TEX9: variants seen among roughly 807,000 people sequenced by gnomAD.
The protein encoded by TEX9 is testis-expressed protein 9.
TEX9 carries 74 observed loss-of-function variants against 59.6 expected under a neutral mutation model. The ratio of observed to expected loss-of-function variants is 1.24; its 90% confidence interval spans 1.03 to 1.51. The LOEUF is 1.51. Ranked by LOEUF, TEX9 falls within the 40% of genes most tolerant of loss-of-function variation. The probability of loss-of-function intolerance (pLI) is 0.00; values close to 1 mark genes in which losing one functional copy is unlikely to be tolerated. For synonymous variants in TEX9, 186 were observed against 152.2 expected, an observed-to-expected ratio of 1.22 and a Z score of -1.64; for missense variants, 522 against 447.8, an observed-to-expected ratio of 1.17 and a Z score of -1.49.
rs1187773253 is a variant in TEX9, at chr15:56,380,033, T to C, written c.184-3919T>C. Among the ~76,000 whole-genome samples, 4 of 152,306 alleles carry C rather than the reference T, an allele frequency of 2.6e-5. No individual in the cohort carries two copies. In the East Asian group the frequency reaches 7.7e-4, roughly 29 times the overall value. On this transcript the variant is annotated intron_variant, in intron 3 of 12. Transcript: ENST00000352903. ...GAGTTTAGTGCATTTACATTCAGTG[T>C]TAATACTGATAAGGGCCTTAATCCT...
intron 10 of TEX9, among the ~76,000 whole-genome samples, chr15:56,422,295 G>T (rs934965778): frequency 3.3e-5 from 5 of 151,560 alleles, no homozygotes; most frequent in Non-Finnish European, 7.4e-5. Flanking sequence ...CAATCTGACA[G>T]TCTCTTTTTA....
intron 1 of TEX9, among the ~76,000 whole-genome samples, chr15:56,306,257 C>CGAAAAAAAAAAAAAAAAAAAA (rs2045481083): frequency 1.3e-5 from 1 of 79,450 alleles, no homozygotes; most frequent in Non-Finnish European, 2.3e-5. Context: ...AGGTACATAG[C>CGAAAAAAAAAAAAAAAAAAAA]AAAAAAAAAA....
the TEX9 span, among the ~76,000 whole-genome samples, chr15:56,452,188 T>C: frequency 1.6e-3 from 242 of 152,296 alleles, 2 homozygotes; most frequent in African/African-American, 5.3e-3. Context: ...GGACTCAGCA[T>C]ATAGTTATAC....
intron 10 of TEX9, among the ~76,000 whole-genome samples, chr15:56,423,449 A>G (rs2050083010): frequency 6.6e-6 from 1 of 152,158 alleles, no homozygotes; most frequent in South Asian, 2.1e-4. Flanking sequence ...ACTTTGTATG[A>G]CTTATAAAAT....
chr15:56,428,556 G>A (rs887225355), intron 12 of TEX9: 102 of 684,872 alleles, frequency 1.5e-4, no homozygotes, highest in Non-Finnish European at 2.1e-4. Flanking sequence ...GATTATGAAA[G>A]CAAAATAATT....
chr15:56,292,821 G>C (rs113575743), intron 1 of TEX9, among the ~76,000 whole-genome samples: 1 of 152,150 alleles, frequency 6.6e-6, no homozygotes, highest in Non-Finnish European at 1.5e-5. Context: ...TTGCCTCAAG[G>C]TGGGTCAATT....
intron 10 of TEX9, among the ~76,000 whole-genome samples, chr15:56,426,638 A>C (rs200673699): frequency 0.01 from 792 of 78,090 alleles, 14 homozygotes; most frequent in African/African-American, 0.018. Context: ...CACACACACA[A>C]ACACACACAC....
chr15:56,343,032 G>A (rs1232691011), intron 1 of TEX9, among the ~76,000 whole-genome samples: 1 of 152,092 alleles, frequency 6.6e-6, no homozygotes, highest in Non-Finnish European at 1.5e-5. Context: ...AAAGGCTACT[G>A]AAGCAAGAAA....
intron 2 of TEX9, among the ~76,000 whole-genome samples, chr15:56,366,190 A>G (rs1476038247): frequency 6.6e-6 from 1 of 152,172 alleles, no homozygotes; most frequent in Non-Finnish European, 1.5e-5. Flanking sequence ...TTCTTGGCCC[A>G]TTCTACTCCT....
At chr15:56,430,707 A>G (rs1357477457) in intron 12 of TEX9, among the ~76,000 whole-genome samples, 2 of 151,900 alleles carry the variant, frequency 1.3e-5, no homozygotes, top group East Asian at 3.9e-4. Context: ...TTGGCATGTA[A>G]GTACTACAGT....
At chr15:56,310,588 T>A (rs1455433915) in intron 1 of TEX9, among the ~76,000 whole-genome samples, 3 of 152,180 alleles carry the variant, frequency 2.0e-5, no homozygotes, top group Non-Finnish European at 4.4e-5. Flanking sequence ...TACTTTCCAT[T>A]GCTGGTCTAT....
intron 1 of TEX9, among the ~76,000 whole-genome samples, chr15:56,341,606 C>T (rs2046373601): frequency 6.6e-6 from 1 of 151,526 alleles, no homozygotes. Flanking sequence ...AGGGGAAACC[C>T]TAAAAAGAAA....
chr15:56,277,694 T>C (rs1158263523), intron 1 of TEX9, among the ~76,000 whole-genome samples: 2 of 152,228 alleles, frequency 1.3e-5, no homozygotes, highest in East Asian at 1.9e-4. Context: ...TTGTTTTTTT[T>C]CTATGTATTC....
chr15:56,365,572 T>G lies in TEX9; in HGVS notation c.28-7T>G, dbSNP rs1187091167. On this transcript the variant is annotated splice_polypyrimidine_tract_variant and splice_region_variant and intron_variant, in intron 1 of 12. Coordinates refer to ENST00000352903, the Ensembl canonical transcript of TEX9. Reference sequence around the variant, plus strand: ...TTCGGGTCTGAAAGTCTGTGGCTCTTTTACAGAGAAGCAGCGTTCCAGGGA... The same window carrying G: ...TTCGGGTCTGAAAGTCTGTGGCTCTGTTACAGAGAAGCAGCGTTCCAGGGA... 1.2e-6 allele frequency: 2 copies of G among 1,614,072 alleles called. No individual in the cohort carries two copies. The highest frequency in any genetic ancestry group is 1.7e-6 in the Non-Finnish European group (2 of 1,180,036).
intron 1 of TEX9, among the ~76,000 whole-genome samples, chr15:56,321,579 A>G (rs1262913740): frequency 2.0e-5 from 3 of 152,176 alleles, no homozygotes; most frequent in African/African-American, 7.2e-5. Flanking sequence ...TTGGGAAGGG[A>G]ATTAGCAGGA....
intron 10 of TEX9, among the ~76,000 whole-genome samples, chr15:56,418,816 T>C (rs2140206268): frequency 6.6e-6 from 1 of 152,088 alleles, no homozygotes; most frequent in South Asian, 2.1e-4. Flanking sequence ...CTGTGGAAAG[T>C]ATATGGTGCT....
intron 4 of TEX9, among the ~76,000 whole-genome samples, chr15:56,387,775 C>G (rs1297310056): frequency 6.6e-6 from 1 of 151,848 alleles, no homozygotes; most frequent in Non-Finnish European, 1.5e-5. Flanking sequence ...ACCTGCTTAA[C>G]TTTAAGGTTG....
intron 1 of TEX9, among the ~76,000 whole-genome samples, chr15:56,314,603 G>A (rs1161969093): frequency 1.1e-4 from 17 of 151,772 alleles, no homozygotes; most frequent in African/African-American, 3.6e-4. Context: ...GTATGGTGTG[G>A]TGCTGAAAAA....
rs2046040724 is a variant in TEX9, at chr15:56,327,343, G to A, written c.-106-46098G>A. Among the ~76,000 whole-genome samples the A allele has an allele frequency of 3.9e-5, 6 of 152,248 alleles. 1 individual carries two copies. The South Asian group carries it at 1.2e-3, about 32-fold the overall frequency. ...CTTTATTTCAGTTTCATTGAACAAT[G>A]AATCCTTACTTGCTTCAGCTGCCAC... On this transcript the variant is annotated intron_variant, in intron 1 of 5. Coordinates refer to the TEX9 transcript ENST00000560827.
Sources: gnomAD v4.1 joint callset for allele counts (sites outside exome capture counted in the v4.1 genomes callset) on GRCh38, gnomAD v4.1.1 for gene constraint, MANE v1.5 for transcripts, NCBI Gene and HGNC (gene_info 2026-07-23, HGNC 2026-07-21) for gene names.